Variants in ZNF394 observed in about 807,000 individuals in gnomAD.
ZNF394 encodes zinc finger protein 394.
Under a neutral mutation model 21.8 loss-of-function variants are expected in ZNF394, and 19 were observed. The ratio of observed to expected loss-of-function variants is 0.87; its 90% CI spans 0.61 to 1.28. The LOEUF (loss-of-function observed/expected upper bound fraction) is 1.28. Among genes scored for constraint, ZNF394 ranks in the 50% most tolerant of loss-of-function variants. ZNF394 has a pLI of 0.00. For missense variants in ZNF394, 683 were observed against 708.6 expected (o/e 0.96, Z 0.41); for synonymous variants, 294 against 273.3 (o/e 1.08, Z -0.75).
At chr7:99,495,003 T>C (rs751610026) in intron 2 of ZNF394, among the ~76,000 whole-genome samples, 6 of 151,900 alleles carry the variant, frequency 3.9e-5, no homozygotes, top group Admixed American at 6.6e-5. Flanking sequence ...TATTTATTTA[T>C]TTTGAGACAG....
At position 99,493,825 on chromosome 7, in the gene ZNF394, T is replaced by C; in HGVS notation, c.1390A>G (p.Lys464Glu). The part of the protein sequence containing the change: ...SNLFRHQRLH[K>E]GERPYKCEEC... ...TCACACTTATAGGGTCTTTCCCCTT[T>C]ATGTAGTCTCTGATGTCTAAAAAGG... is the stretch of plus-strand genomic sequence containing the variant. Residue 464 changes from lysine to glutamate, a missense_variant, in exon 3 of 3, where the codon AAA becomes GAA. Lys to Glu is a moderately conservative substitution (Grantham distance 56, BLOSUM62 1). Transcript: ENST00000337673. The C allele has an allele frequency of 1.9e-6, 3 of 1,613,874 alleles. No homozygotes were observed. Among genetic ancestry groups the C allele is most frequent in the Non-Finnish European group, 2.5e-6 (3 of 1,179,966 alleles).
chr7:99,499,032 C>T (rs1046277680), intron 1 of ZNF394, among the ~76,000 whole-genome samples, 190 bp from the exon 2 acceptor site: 1 of 152,162 alleles, frequency 6.6e-6, no homozygotes, highest in African/African-American at 2.4e-5. Context: ...CAAAATATTT[C>T]TTTAACTTAT....
Position 99,493,494 on chromosome 7 carries a change from T to A in ZNF394, c.*35A>T, listed in dbSNP as rs1343195018. ...CTGGTTTCAAACTCCTGATCTCAAA[T>A]GATCTGCCTGCCTTGGCCTCCCAAA... On this transcript the variant is annotated 3_prime_UTR_variant, in exon 3 of 3. Transcript: ENST00000337673. 4 of 1,514,678 alleles carry A rather than the reference T, an allele frequency of 2.6e-6. No individual in the cohort carries two copies. The highest frequency in any genetic ancestry group is 3.6e-6 in the Non-Finnish European group (4 of 1,121,714). 93.8% of individuals were successfully genotyped at this position (1,514,678 alleles called of 1,614,324 possible).
rs771586876 is a variant in ZNF394 at position 99,494,543 on chromosome 7, C to T, written c.672G>A (p.Ala224=). 1.5e-5 allele frequency: 25 copies of T among 1,613,356 alleles called. No individual in the cohort carries two copies. The highest frequency in any genetic ancestry group is 1.5e-4 in the African/African-American group (11 of 74,880). Residue 224 remains alanine (A), a synonymous_variant, in exon 3 of 3, where the codon GCG becomes GCA. Transcript: ENST00000337673. The part of the protein sequence containing the change: ...EAEPQGQLQE[A]FQGKRPLFSK... ...AAAACAGGGGGCGCTTCCCCTGGAA[C>T]GCTTCTTGTAGTTGCCCCTGTGGCT...
intron 1 of ZNF394, among the ~76,000 whole-genome samples, chr7:99,488,055 G>C (rs1481320669): frequency 7.5e-6 from 1 of 133,012 alleles, no homozygotes; most frequent in Non-Finnish European, 1.5e-5. Flanking sequence ...CTGGGCGACA[G>C]AGCGAGACTC....
At chr7:99,491,763 ATC>A (rs1800164919), downstream of ZNF394, among the ~76,000 whole-genome samples, 3 of 91,492 alleles carry the variant, frequency 3.3e-5, no homozygotes, top group African/African-American at 1.0e-4. Flanking sequence ...GCGACAGAGA[ATC>A]TGTCTCAAAA....
chr7:99,496,398 CAGAGT>C lies in ZNF394; in HGVS notation c.584-1772_584-1768del, dbSNP rs769833057. 4.7e-4 allele frequency among the ~76,000 whole-genome samples: 71 copies of C among 151,880 alleles called. 1 individual carries two copies. Among genetic ancestry groups the C allele is most frequent in the Non-Finnish European group, 2.2e-4 (15 of 68,004 alleles). ...CAAAGCCCTGAAACTTTGCTTCCTA[CAGAGT>C]AGAGTAGAATATTCCAGGCAGAGCG... On this transcript the variant is annotated intron_variant, in intron 2 of 2. Coordinates refer to ENST00000337673, the MANE Select transcript of ZNF394 (RefSeq NM_032164.4).
rs149518439 is a variant in ZNF394 at position 99,499,882 on chromosome 7, C to A, written c.212G>T (p.Arg71Leu). The A allele has an allele frequency of 1.2e-6, 2 of 1,614,054 alleles. No individual in the cohort carries two copies. Among genetic ancestry groups the A allele is most frequent in the Non-Finnish European group, 1.7e-6 (2 of 1,180,034 alleles). ...ETSRLHFRQL[R>L]YQEVAGPEEA... ...TTCCGGTCCAGCCACCTCCTGGTAACGCAGCTGCCTAAAGTGCAGTCGAGA... is the reference window on the plus strand; with the variant it reads ...TTCCGGTCCAGCCACCTCCTGGTAAAGCAGCTGCCTAAAGTGCAGTCGAGA... The change falls in exon 1 of 3, where the codon CGT (arginine) becomes CTT (leucine). Residue 71 changes from arginine (R) to leucine (L), a missense_variant. Around this residue, in one of 3 missense-constraint regions of ZNF394, gnomAD observed 402 missense variants for 373.8 expected, o/e 1.08. Transcript: ENST00000337673.
In ZNF394 at chr7:99,498,956, A is replaced by T. The variant is rs566054733; in HGVS notation, c.457-114T>A. The T allele has an allele frequency of 9.4e-6, 13 of 1,386,380 alleles. No homozygotes were observed. In the Admixed American group the frequency reaches 3.5e-4, roughly 37 times the overall value. 85.9% of individuals were successfully genotyped at this position (1,386,380 alleles called of 1,614,324 possible). A position where few individuals can be genotyped will look rare whatever the true frequency, so the allele number is the denominator to read the frequency against. On this transcript the variant is annotated intron_variant, in intron 1 of 2. Transcript: ENST00000337673. Reference sequence around the variant, plus strand: ...GGAGAGATCAGAGATAGAGGCTGACATTCTCTTGTAATCCTGAAAAGCCTT... The same window carrying T: ...GGAGAGATCAGAGATAGAGGCTGACTTTCTCTTGTAATCCTGAAAAGCCTT...
At position 99,493,309 on chromosome 7, in the gene ZNF394, T is replaced by A. The variant is rs560576856; in HGVS notation, c.*220A>T. On this transcript the variant is annotated 3_prime_UTR_variant, in exon 3 of 3. Transcript: ENST00000337673. The stretch of plus-strand genomic sequence containing the variant: ...TCTCGCTCTGTTGCCCAGGCTGGAG[T>A]GCAGTGGCATGATCTCAGCTCACTG... The A allele has an allele frequency of 4.0e-5, 48 of 1,192,112 alleles. No homozygotes were observed. The East Asian group carries it at 5.0e-4, about 13-fold the overall frequency. 73.8% of individuals were successfully genotyped at this position (1,192,112 alleles called of 1,614,324 possible).
rs1259452884 is a variant in ZNF394, at chr7:99,486,575, C to T, written n.472G>A. The T allele has an allele frequency of 4.3e-6, 7 of 1,614,178 alleles. No individual in the cohort carries two copies. The South Asian group carries it at 6.6e-5, about 15-fold the overall frequency. On this transcript the variant is annotated non_coding_transcript_exon_variant, in exon 2 of 2. Transcript: ENST00000462024. Reference sequence around the variant, plus strand: ...ATATCAGTGGTAATGCAGGAATCAGCTGAGAAACTTTCAGAAAAGTTACAT... The same window carrying T: ...ATATCAGTGGTAATGCAGGAATCAGTTGAGAAACTTTCAGAAAAGTTACAT...
In ZNF394 at chr7:99,498,536, G is replaced by T. The variant is rs1584148162; in HGVS notation, c.583+180C>A. On this transcript the variant is annotated intron_variant, in intron 2 of 2. Coordinates refer to ENST00000337673, the MANE Select transcript of ZNF394 (RefSeq NM_032164.4). ...TCTGTATGTATAAAACATTAAAAAT[G>T]AACCAAAGTAAAAAGCTGAATCTAG... The T allele has an allele frequency of 2.5e-5, 18 of 728,684 alleles. No individual in the cohort carries two copies. The East Asian group carries it at 5.5e-4, about 22-fold the overall frequency. The allele number at this position is 728,684 out of a possible 1,614,324, so 45.1% of individuals were successfully genotyped here. A position where few individuals can be genotyped will look rare whatever the true frequency, so the allele number is the denominator to read the frequency against.
Position 99,493,321 on chromosome 7 carries a change from A to C in ZNF394, c.*208T>G. 8.4e-7 allele frequency: 1 copy of C among 1,184,208 alleles called. No homozygotes were observed. The allele number at this position is 1,184,208 out of a possible 1,614,324, so 73.4% of individuals were successfully genotyped here. A position where few individuals can be genotyped will look rare whatever the true frequency, so the allele number is the denominator to read the frequency against. The stretch of plus-strand genomic sequence containing the variant: ...GCCCAGGCTGGAGTGCAGTGGCATG[A>C]TCTCAGCTCACTGCAACTTCCGCCT... On this transcript the variant is annotated 3_prime_UTR_variant, in exon 3 of 3. Transcript: ENST00000337673.
downstream of ZNF394, among the ~76,000 whole-genome samples, chr7:99,490,788 A>G (rs76939231): frequency 6.6e-6 from 1 of 152,080 alleles, no homozygotes; most frequent in Non-Finnish European, 1.5e-5. Context: ...GGGAACTGCC[A>G]AATCTAGAGA....
At chr7:99,488,256 A>G (rs2037595), downstream of ZNF394, among the ~76,000 whole-genome samples, 137,409 of 151,936 alleles carry the variant, frequency 0.9, 62,404 homozygotes, top group East Asian at 1. Flanking sequence ...GTTTGAAGAC[A>G]GCCAGTATGG....
At chr7:99,497,122 G>GTATATATATA (rs1206330509) in intron 2 of ZNF394, among the ~76,000 whole-genome samples, 20 of 79,444 alleles carry the variant, frequency 2.5e-4, no homozygotes, top group African/African-American at 8.8e-4. Flanking sequence ...GTGTGTGTGT[G>GTATATATATA]TATATATATA....
downstream of ZNF394, among the ~76,000 whole-genome samples, chr7:99,491,963 C>T (rs913912943): frequency 1.3e-5 from 2 of 150,750 alleles, no homozygotes; most frequent in East Asian, 3.9e-4. Flanking sequence ...GTCCCAGCTA[C>T]TCAGGAGGCT....
rs771686605 is a variant in ZNF394 at position 99,494,634 on chromosome 7, G to A, written c.584-3C>T. Reference sequence around the variant, plus strand: ...GTTCTCCACTCTGCTTTCCAAACCTGAAACGTGAAAATACAAATTCCTGCC... The same window carrying A: ...GTTCTCCACTCTGCTTTCCAAACCTAAAACGTGAAAATACAAATTCCTGCC... On this transcript the variant is annotated splice_polypyrimidine_tract_variant and splice_region_variant and intron_variant, in intron 2 of 2. Coordinates refer to ENST00000337673, the MANE Select transcript of ZNF394 (RefSeq NM_032164.4). 2.4e-5 allele frequency: 37 copies of A among 1,566,340 alleles called. No individual in the cohort carries two copies. Among genetic ancestry groups the A allele is most frequent in the Non-Finnish European group, 3.0e-5 (35 of 1,159,736 alleles).
chr7:99,489,232 T>C (rs1035405238), downstream of ZNF394, among the ~76,000 whole-genome samples: 3 of 149,010 alleles, frequency 2.0e-5, no homozygotes, highest in East Asian at 2.0e-4. Context: ...TGCAGTGAGC[T>C]GAGATCATGC....
Sources: gnomAD v4.1 joint callset for allele counts (sites outside exome capture counted in the v4.1 genomes callset) on GRCh38, gnomAD v4.1.1 for gene constraint, gnomAD v4.1.1 regional missense constraint, MANE v1.5 for transcripts, NCBI Gene and HGNC (gene_info 2026-07-23, HGNC 2026-07-21) for gene names.